Variants in MAG observed in about 807,000 individuals in gnomAD.
The protein encoded by MAG is myelin associated glycoprotein.
In MAG, 30 loss-of-function variants were observed where a neutral mutation model predicts 60.7. The ratio of observed to expected loss-of-function variants is 0.49; its 90% CI spans 0.37 to 0.67. The LOEUF (loss-of-function observed/expected upper bound fraction) is 0.67, where lower values mean the gene tolerates loss of function less well. Among genes scored for constraint, MAG ranks in the 30% least tolerant of loss-of-function variants. The pLI is 0.00. For synonymous variants in MAG, 384 were observed against 376.8 expected (o/e 1.02, Z -0.22); for missense variants, 795 against 851.7 (o/e 0.93, Z 0.83).
chr19:35,302,436 C>T lies in MAG; in HGVS notation c.971-12C>T. The T allele has an allele frequency of 6.2e-7, 1 of 1,613,898 alleles. No homozygotes were observed. The highest frequency in any genetic ancestry group is 8.5e-7 in the Non-Finnish European group (1 of 1,179,860). On this transcript the variant is annotated splice_polypyrimidine_tract_variant and intron_variant, in intron 6 of 10. Coordinates refer to ENST00000392213, the MANE Select transcript of MAG (RefSeq NM_002361.4). The stretch of plus-strand genomic sequence containing the variant: ...CCTGGGTTCTGACCATCAGTCCCGT[C>T]CTACCCCGCAGATGCACCCTGGAAG...
rs908420757 is a variant in MAG, at chr19:35,295,300, C to T, written c.-23-86C>T. Reference sequence around the variant, plus strand: ...AAATAATAATAGCAGCAGCAGCTAACATATGAATGGGCCCCTTCCTGAAGC... The same window carrying T: ...AAATAATAATAGCAGCAGCAGCTAATATATGAATGGGCCCCTTCCTGAAGC... On this transcript the variant is annotated intron_variant, in intron 2 of 10. Coordinates refer to ENST00000392213, the MANE Select transcript of MAG (RefSeq NM_002361.4). This position sits in a 1 kb window ranked among gnomAD's most constrained non-coding sequence, Gnocchi z 5.8. 2.0e-6 allele frequency: 2 copies of T among 994,084 alleles called. No individual in the cohort carries two copies. The highest frequency in any genetic ancestry group is 1.6e-5 in the African/African-American group (1 of 62,040). The allele number at this position is 994,084 out of a possible 1,614,324, so 61.6% of individuals were successfully genotyped here.
intron 7 of MAG, among the ~76,000 whole-genome samples, chr19:35,306,674 G>A (rs2066487942): frequency 6.6e-6 from 1 of 152,216 alleles, no homozygotes; most frequent in Admixed American, 6.5e-5. Flanking sequence ...CTGGGCTCAA[G>A]TGATCCTCCT....
chr19:35,311,056 G>A (rs1038959887), intron 9 of MAG, among the ~76,000 whole-genome samples: 4 of 152,224 alleles, frequency 2.6e-5, no homozygotes, highest in East Asian at 3.9e-4. Context: ...GCCTTGGCCG[G>A]GCGCGTTGAC....
intron 9 of MAG, 120 bp downstream of exon 9, chr19:35,310,763 T>C (rs1015640630): frequency 1.8e-5 from 15 of 823,674 alleles, no homozygotes; most frequent in Non-Finnish European, 2.8e-5. Context: ...AGGCAGATTC[T>C]GTTCTGGGAA....
At chr19:35,301,934 G>T (rs1406479439) in intron 6 of MAG, among the ~76,000 whole-genome samples, 1 of 152,104 alleles carries the variant, frequency 6.6e-6, no homozygotes, top group Non-Finnish European at 1.5e-5. Flanking sequence ...CACCTCCTAG[G>T]CTCGCTGAAG....
Position 35,295,128 on chromosome 19 carries a change from G to A in MAG, c.-23-258G>A, listed in dbSNP as rs370387711. Among the ~76,000 whole-genome samples, 29 of 152,194 alleles carry A rather than the reference G, an allele frequency of 1.9e-4. No homozygotes were observed. Among genetic ancestry groups the A allele is most frequent in the African/African-American group, 6.7e-4 (28 of 41,504 alleles). ...AAGAAGAAAAATTAACTGGGTGTGGGGTGGCGCATACCAGAAGCTGAGACA... is the reference window on the plus strand; with the variant it reads ...AAGAAGAAAAATTAACTGGGTGTGGAGTGGCGCATACCAGAAGCTGAGACA... On this transcript the variant is annotated intron_variant, in intron 2 of 10. Transcript: ENST00000392213. The surrounding 1 kb of genome is among the most constrained non-coding windows in gnomAD (Gnocchi z 5.8).
chr19:35,303,546 G>A (rs1486370618), intron 7 of MAG, among the ~76,000 whole-genome samples: 1 of 152,136 alleles, frequency 6.6e-6, no homozygotes, highest in East Asian at 1.9e-4. Flanking sequence ...CCCTGCCCAA[G>A]GCTGACCTCA....
Position 35,311,894 on chromosome 19 carries a change from G to A in MAG, c.1617-24G>A, listed in dbSNP as rs534775827. On this transcript the variant is annotated intron_variant, in intron 9 of 10. Coordinates refer to ENST00000392213, the MANE Select transcript of MAG (RefSeq NM_002361.4). ...GGTGCAGAAAGGGAGGGCAGAGAGA[G>A]GTCTGACGAGTCCTGCCCTGCAGAA... The A allele has an allele frequency of 5.8e-6, 9 of 1,561,916 alleles. No individual in the cohort carries two copies. The East Asian group carries it at 1.1e-4, about 20-fold the overall frequency.
Position 35,295,137 on chromosome 19 carries a change from T to C in MAG, c.-23-249T>C, listed in dbSNP as rs2066386200. ...AATTAACTGGGTGTGGGGTGGCGCATACCAGAAGCTGAGACAAGAGGATAA... is the reference window on the plus strand; with the variant it reads ...AATTAACTGGGTGTGGGGTGGCGCACACCAGAAGCTGAGACAAGAGGATAA... On this transcript the variant is annotated intron_variant, in intron 2 of 10. Coordinates refer to ENST00000392213, the MANE Select transcript of MAG (RefSeq NM_002361.4). This position sits in a 1 kb window ranked among gnomAD's most constrained non-coding sequence, Gnocchi z 5.8. Among the ~76,000 whole-genome samples the C allele has an allele frequency of 6.6e-6, 1 of 152,062 alleles. No individual in the cohort carries two copies. Among genetic ancestry groups the C allele is most frequent in the African/African-American group, 2.4e-5 (1 of 41,394 alleles).
chr19:35,310,720 G>C, intron 9 of MAG, 77 bp downstream of exon 9: 2 of 1,302,402 alleles, frequency 1.5e-6, no homozygotes, highest in Non-Finnish European at 2.2e-6. Context: ...GGCCCAGAGT[G>C]GGTGGGGGAA....
At chr19:35,302,838 G>T in intron 7 of MAG, 130 bp downstream of exon 7, 1 of 1,132,958 alleles carries the variant, frequency 8.8e-7, no homozygotes, top group Non-Finnish European at 1.2e-6. Context: ...GGAAGGGAGG[G>T]CAGGGAAGCT....
Position 35,310,109 on chromosome 19 carries a change from C to G in MAG, c.1467C>G (p.Thr489=), listed in dbSNP as rs377004085. Residue 489 remains threonine (T), a synonymous_variant, in exon 8 of 11, where the codon ACC becomes ACG. Transcript: ENST00000392213. ...QAQAPPRVIC[T]ARNLYGAKSL... ...AGGCCCCGCCCCGCGTCATCTGCAC[C>G]GCGAGGAACCTCTATGGCGCCAAGA... 2 of 1,612,188 alleles carry G rather than the reference C, an allele frequency of 1.2e-6. No individual in the cohort carries two copies. The highest frequency in any genetic ancestry group is 1.3e-5 in the African/African-American group (1 of 74,914).
chr19:35,309,844 C>T (rs758440071), intron 7 of MAG, 30 bp from the exon 8 acceptor site: 26 of 1,592,164 alleles, frequency 1.6e-5, no homozygotes, highest in South Asian at 2.2e-5. Context: ...TGGCTCCGGG[C>T]CACCCTCAGA....
Position 35,313,578 on chromosome 19 carries a change from CAGTG to C in MAG, c.*127_*130del. On this transcript the variant is annotated 3_prime_UTR_variant, in exon 11 of 11. Coordinates refer to ENST00000392213, the MANE Select transcript of MAG (RefSeq NM_002361.4). ...GGCAGGAGGGGAGTGAGGCAGGTGA[CAGTG>C]AGGTCCTGGGGGCCTGACCTCCCCC... 3 of 989,654 alleles carry C rather than the reference CAGTG, an allele frequency of 3.0e-6. No individual in the cohort carries two copies. The highest frequency in any genetic ancestry group is 4.3e-6 in the Non-Finnish European group (3 of 692,808). 61.3% of individuals were successfully genotyped at this position (989,654 alleles called of 1,614,324 possible).
chr19:35,304,957 A>G (rs543428377), intron 7 of MAG, among the ~76,000 whole-genome samples: 2 of 152,314 alleles, frequency 1.3e-5, no homozygotes, highest in African/African-American at 4.8e-5. Flanking sequence ...CAGCTATAAA[A>G]GTGGGTCCGA....
Position 35,295,338 on chromosome 19 carries a change from C to A in MAG, c.-23-48C>A. 1.3e-6 allele frequency: 2 copies of A among 1,535,664 alleles called. No individual in the cohort carries two copies. Among genetic ancestry groups the A allele is most frequent in the Non-Finnish European group, 1.8e-6 (2 of 1,114,816 alleles). The stretch of plus-strand genomic sequence containing the variant: ...CCCTTCCTGAAGCCCAGATGGAACA[C>A]CCCCTTTCACTTCCCCCAGCCTTTA... On this transcript the variant is annotated intron_variant, in intron 2 of 10. Coordinates refer to ENST00000392213, the MANE Select transcript of MAG (RefSeq NM_002361.4). This position sits in a 1 kb window ranked among gnomAD's most constrained non-coding sequence, Gnocchi z 5.8.
In MAG at chr19:35,313,350, C is replaced by G. The variant is rs752836680; in HGVS notation, c.1777C>G (p.Leu593Val). Residue 593 changes from leucine to valine, a missense_variant, in exon 11 of 11, where the codon CTG becomes GTG. By Grantham distance (32) the Leu-to-Val change is conservative. Transcript: ENST00000392213. ...GGGCCTTCGGGGTGAGCCCCCAGAG[C>G]TGGACCTGAGCTATTCTCACTCGGA... ...LLGLRGEPPE[L>V]DLSYSHSDLG... The G allele has an allele frequency of 5.0e-6, 8 of 1,614,188 alleles. No homozygotes were observed. In the Admixed American group the frequency reaches 1.2e-4, roughly 24 times the overall value.
intron 7 of MAG, among the ~76,000 whole-genome samples, chr19:35,305,082 G>T (rs186303447): frequency 1.2e-4 from 18 of 152,218 alleles, no homozygotes; most frequent in African/African-American, 3.9e-4. Flanking sequence ...AAACGAACAC[G>T]CAGGCAGATG....
In MAG at chr19:35,293,627, A is replaced by G. The variant is rs987832094; in HGVS notation, c.-79-608A>G. On this transcript the variant is annotated intron_variant, in intron 1 of 10. Transcript: ENST00000392213. This position sits in a 1 kb window ranked among gnomAD's most constrained non-coding sequence, Gnocchi z 4.0. ...GCTGCAACCCCAAGGCAACCCATGG[A>G]GCAGCAGGGTGCCAGGGGCTCGCTA... is the stretch of plus-strand genomic sequence containing the variant. 6.6e-6 allele frequency among the ~76,000 whole-genome samples: 1 copy of G among 152,018 alleles called. No individual in the cohort carries two copies. The highest frequency in any genetic ancestry group is 1.5e-5 in the Non-Finnish European group (1 of 67,978).
Sources: allele counts gnomAD v4.1 joint callset (sites outside exome capture counted in the v4.1 genomes callset), GRCh38; gene constraint gnomAD v4.1.1; non-coding constraint Gnocchi (gnomAD v3.1); transcripts MANE v1.5; gene names NCBI Gene and HGNC (gene_info 2026-07-23, HGNC 2026-07-21).